Variants in DGKD observed in about 807,000 individuals in gnomAD.
DGKD encodes the protein diacylglycerol kinase delta, also known as DAG kinase delta.
DGKD carries 68 observed loss-of-function variants against 154.4 expected under a neutral mutation model. That is an observed-to-expected ratio of 0.44 (90% CI 0.36 to 0.54). The LOEUF is 0.54. DGKD is among the 20% of genes least tolerant of loss of function. DGKD has a pLI of 0.00. For synonymous variants in DGKD, 693 were observed against 638.0 expected (o/e 1.09, Z -1.30); for missense variants, 1,343 against 1,593.6 (o/e 0.84, Z 2.68).
intron 14 of DGKD, 136 bp from the exon 15 acceptor site, chr2:233,448,967 T>A (rs969420998): frequency 1.8e-6 from 2 of 1,131,776 alleles, no homozygotes. Flanking sequence ...GGTCTTTTTG[T>A]TACTTAGGCG....
Position 233,469,806 on chromosome 2 carries a change from T to C in DGKD, c.*346T>C. On this transcript the variant is annotated 3_prime_UTR_variant, in exon 30 of 30. Transcript: ENST00000264057. ...TCTGGCCTCCTGGGCACTGCTTGCC[T>C]GGCCTCGTGCTTGGATTGTCCCGGG... 3.9e-6 allele frequency: 1 copy of C among 256,426 alleles called. No homozygotes were observed. Among genetic ancestry groups the C allele is most frequent in the Middle Eastern group, 1.3e-3 (1 of 742 alleles). The allele number at this position is 256,426 out of a possible 1,614,324, so 15.9% of individuals were successfully genotyped here.
intron 1 of DGKD, among the ~76,000 whole-genome samples, chr2:233,364,948 C>G (rs1701952853): frequency 6.6e-6 from 1 of 151,926 alleles, no homozygotes; most frequent in Non-Finnish European, 1.5e-5. Flanking sequence ...AAACACTAAC[C>G]AAAAGAAACT....
At position 233,449,391 on chromosome 2, in the gene DGKD, G is replaced by T. The variant is rs1286490242; in HGVS notation, c.1888+15G>T. On this transcript the variant is annotated intron_variant, in intron 15 of 29. Transcript: ENST00000264057. This position sits in a 1 kb window ranked among gnomAD's most constrained non-coding sequence, Gnocchi z 5.3. The stretch of plus-strand genomic sequence containing the variant: ...CACAGAAAAAGGTAACTGGCCTTGT[G>T]ATGAGGAGGGGCTTTCCTCAGGCCA... The T allele has an allele frequency of 1.9e-6, 3 of 1,584,820 alleles. No homozygotes were observed. The highest frequency in any genetic ancestry group is 2.6e-6 in the Non-Finnish European group (3 of 1,158,112).
chr2:233,394,691 C>CGTTT (rs1703886425), intron 3 of DGKD, among the ~76,000 whole-genome samples: 1 of 26,392 alleles, frequency 3.8e-5, no homozygotes, highest in Non-Finnish European at 6.3e-5. Flanking sequence ...ATTTAATTCC[C>CGTTT]TTTTTTTTTT....
rs751049319 is a variant in DGKD at position 233,434,495 on chromosome 2, A to ACT, written c.453+11_453+12insCT. On this transcript the variant is annotated intron_variant, in intron 4 of 29. Coordinates refer to ENST00000264057, the MANE Select transcript of DGKD (RefSeq NM_152879.3). ...AGGGAGCACTTTGAGGTTAAAAAAG[A>ACT]AAATACCCTTCTCCAAATGCCTCCT... is the stretch of plus-strand genomic sequence containing the variant. 3 of 1,611,694 alleles carry ACT rather than the reference A, an allele frequency of 1.9e-6. No homozygotes were observed. In the South Asian group the frequency reaches 3.3e-5, roughly 18 times the overall value.
At chr2:233,357,036 G>C (rs1399179515) in intron 1 of DGKD, among the ~76,000 whole-genome samples, 2 of 152,190 alleles carry the variant, frequency 1.3e-5, no homozygotes, top group South Asian at 4.1e-4. Flanking sequence ...AGGCAAGCCG[G>C]AGATGAGGCA....
At chr2:233,403,443 C>G (rs2125490919) in intron 3 of DGKD, among the ~76,000 whole-genome samples, 1 of 151,694 alleles carries the variant, frequency 6.6e-6, no homozygotes, top group South Asian at 2.1e-4. Context: ...GCCTGTAATC[C>G]CAGCTACTCA....
At position 233,445,639 on chromosome 2, in the gene DGKD, T is replaced by G; in HGVS notation, c.1211T>G (p.Leu404Arg). ...TTTCCTTAGTGTCAGCTGGGAGTGC[T>G]GCCGCTCGGCACAGGGAACGACTTG... The part of the protein sequence containing the change: ...NLHKQCQLGV[L>R]PLGTGNDLAR... The change falls in exon 11 of 30, where the codon CTG becomes CGG. Residue 404 changes from leucine (L) to arginine (R), a missense_variant. By Grantham distance (102) the Leu-to-Arg change is moderately radical (BLOSUM62 -2). This residue lies in a region of DGKD where 56 missense variants were observed against 111.1 expected (regional missense o/e 0.50). Transcript: ENST00000264057. The surrounding 1 kb of genome is among the most constrained non-coding windows in gnomAD (Gnocchi z 5.5). 1 of 1,610,696 alleles carries G rather than the reference T, an allele frequency of 6.2e-7. No homozygotes were observed. The highest frequency in any genetic ancestry group is 8.5e-7 in the Non-Finnish European group (1 of 1,178,338).
At chr2:233,380,296 G>A (rs191302099) in intron 1 of DGKD, among the ~76,000 whole-genome samples, 4 of 152,294 alleles carry the variant, frequency 2.6e-5, no homozygotes, top group Admixed American at 2.6e-4. Context: ...GGGGACGCCA[G>A]CCTGCAAGAC....
chr2:233,359,322 C>T (rs1296813491), intron 1 of DGKD, among the ~76,000 whole-genome samples: 1 of 152,138 alleles, frequency 6.6e-6, no homozygotes, highest in Non-Finnish European at 1.5e-5. Context: ...TCCTGAGTCT[C>T]AGTTTCCATG....
chr2:233,402,525 G>C (rs2061585990), intron 3 of DGKD, among the ~76,000 whole-genome samples: 1 of 152,116 alleles, frequency 6.6e-6, no homozygotes, highest in Non-Finnish European at 1.5e-5. Flanking sequence ...GCTTCTTTTT[G>C]TTAGCACAAC....
rs2063511983 is a variant in DGKD at position 233,457,949 on chromosome 2, C to T, written c.2581-335C>T. ...AGAAGTATTCAGCGCTTCCTGCACACGTGGTGTGTGCTGGCCCCAGTCCTG... is the reference window on the plus strand; with the variant it reads ...AGAAGTATTCAGCGCTTCCTGCACATGTGGTGTGTGCTGGCCCCAGTCCTG... On this transcript the variant is annotated intron_variant, in intron 21 of 29. Coordinates refer to ENST00000264057, the MANE Select transcript of DGKD (RefSeq NM_152879.3). This position sits in a 1 kb window ranked among gnomAD's most constrained non-coding sequence, Gnocchi z 5.5. 7 of 357,164 alleles carry T rather than the reference C, an allele frequency of 2.0e-5. No individual in the cohort carries two copies. Among genetic ancestry groups the T allele is most frequent in the Non-Finnish European group, 3.2e-5 (6 of 188,980 alleles). 22.1% of individuals were successfully genotyped at this position (357,164 alleles called of 1,614,324 possible). A position where few individuals can be genotyped will look rare whatever the true frequency, so the allele number is the denominator to read the frequency against.
chr2:233,462,281 A>G, intron 24 of DGKD, 67 bp from the exon 25 acceptor site: 1 of 1,308,224 alleles, frequency 7.6e-7, no homozygotes, highest in East Asian at 2.3e-5. Context: ...CCGTGTTCAG[A>G]TGCGTATTGT....
intron 3 of DGKD, among the ~76,000 whole-genome samples, chr2:233,408,048 T>G (rs535527197): frequency 6.6e-5 from 10 of 151,736 alleles, no homozygotes; most frequent in East Asian, 1.9e-4. Context: ...AAAACTGTTT[T>G]TTTTTTTTTT....
chr2:233,436,138 C>T (rs1312758634), intron 6 of DGKD, among the ~76,000 whole-genome samples, 178 bp from the exon 7 acceptor site: 2 of 152,246 alleles, frequency 1.3e-5, no homozygotes, highest in Non-Finnish European at 2.9e-5. Context: ...GCACCTCCGA[C>T]AGGTGCTATG....
At chr2:233,377,873 C>T (rs1427110695) in intron 1 of DGKD, among the ~76,000 whole-genome samples, 1 of 152,100 alleles carries the variant, frequency 6.6e-6, no homozygotes, top group Non-Finnish European at 1.5e-5. Context: ...TACAGTGGTG[C>T]GATCACAGCT....
At position 233,450,229 on chromosome 2, in the gene DGKD, A is replaced by C. The variant is rs906318045; in HGVS notation, c.2038+98A>C. On this transcript the variant is annotated intron_variant, in intron 16 of 29. Transcript: ENST00000264057. ...GGGAGGTTTTAGGGCACTTTCTCAT[A>C]GTTGCTTTGGCCACTTGGTTACATA... The C allele has an allele frequency of 2.8e-6, 4 of 1,409,880 alleles. No homozygotes were observed. In the Admixed American group the frequency reaches 8.6e-5, roughly 30 times the overall value. 87.3% of individuals were successfully genotyped at this position (1,409,880 alleles called of 1,614,324 possible).
At chr2:233,432,248 A>G (rs11684436) in intron 3 of DGKD, among the ~76,000 whole-genome samples, 21,075 of 83,252 alleles carry the variant, frequency 0.25, 3,472 homozygotes, top group African/African-American at 0.35. Context: ...AAAATTAGCC[A>G]GGCGTGGTTG....
intron 12 of DGKD, 27 bp from the exon 13 acceptor site, chr2:233,448,060 A>C: frequency 6.2e-7 from 1 of 1,613,434 alleles, no homozygotes. Context: ...AGAGACCAAC[A>C]GTCCTGGCCA....
Sources: gnomAD v4.1 joint callset for allele counts (sites outside exome capture counted in the v4.1 genomes callset) on GRCh38, gnomAD v4.1.1 for gene constraint, gnomAD v4.1.1 regional missense constraint, Gnocchi (gnomAD v3.1) non-coding constraint, MANE v1.5 for transcripts, NCBI Gene and HGNC (gene_info 2026-07-23, HGNC 2026-07-21) for gene names.